Variants in ZNF611 observed in about 807,000 individuals in gnomAD.
ZNF611 encodes the protein zinc finger protein 611.
ZNF611 carries 6 observed loss-of-function variants against 8.9 expected under a neutral mutation model. The ratio of observed to expected loss-of-function variants is 0.68; its 90% CI spans 0.37 to 1.34. The LOEUF (loss-of-function observed/expected upper bound fraction) is 1.34. Among genes scored for constraint, ZNF611 ranks in the 40% most tolerant of loss-of-function variants. The pLI is 0.02. For missense variants in ZNF611, 874 were observed against 841.3 expected, an observed-to-expected ratio of 1.04 and a Z score of -0.48; for synonymous variants, 262 against 279.7, an observed-to-expected ratio of 0.94 and a Z score of 0.63.
At chr19:52,708,605 AG>A (rs1375218190) in intron 5 of ZNF611, 1 of 152,232 alleles carries the variant, frequency 6.6e-6, no homozygotes, top group Non-Finnish European at 1.5e-5. Context: ...TGGCAGGCCA[AG>A]GCATGTGGAT....
intron 1 of ZNF611, 31 bp downstream of exon 1, chr19:52,734,970 C>T (rs2062448365): frequency 6.5e-6 from 1 of 152,704 alleles, no homozygotes; most frequent in African/African-American, 2.4e-5. Flanking sequence ...CTAGTTAGCG[C>T]AGACTTAATA....
chr19:52,703,985 A>T lies in ZNF611; in HGVS notation c.*952T>A. On this transcript the variant is annotated 3_prime_UTR_variant, in exon 6 of 6. Coordinates refer to ENST00000652185, the MANE Select transcript of ZNF611 (RefSeq NM_001161499.2). ...CTTTAAAAAGTACTGGCTCAAAAAA[A>T]TAATAGAAAATAAGAAACAAAAAAC... The T allele has an allele frequency of 5.4e-6, 1 of 185,520 alleles. No homozygotes were observed. Among genetic ancestry groups the T allele is most frequent in the South Asian group, 9.9e-5 (1 of 10,066 alleles). 11.5% of individuals were successfully genotyped at this position (185,520 alleles called of 1,614,324 possible).
chr19:52,713,662 T>G (rs557056209), intron 5 of ZNF611, among the ~76,000 whole-genome samples: 14 of 152,132 alleles, frequency 9.2e-5, no homozygotes, highest in African/African-American at 3.4e-4. Flanking sequence ...GAGGCCGAGG[T>G]GGGTGGATCA....
intron 3 of ZNF611, among the ~76,000 whole-genome samples, chr19:52,727,692 T>TA (rs1007372887): frequency 2.6e-5 from 4 of 152,124 alleles, no homozygotes; most frequent in African/African-American, 4.8e-5. Flanking sequence ...CCTTGGCATA[T>TA]CAATGTATTG....
intron 5 of ZNF611, 76 bp from the exon 6 acceptor site, chr19:52,706,940 C>T (rs73934856): frequency 1.1e-5 from 16 of 1,521,798 alleles, no homozygotes; most frequent in Admixed American, 2.3e-5. Context: ...AAATATGACA[C>T]AAAAAACGAT....
Position 52,718,392 on chromosome 19 carries a change from G to C in ZNF611, c.-19-2479C>G, listed in dbSNP as rs1359546649. 6.6e-5 allele frequency among the ~76,000 whole-genome samples: 10 copies of C among 151,484 alleles called. No individual in the cohort carries two copies. In the East Asian group the frequency reaches 2.0e-3, roughly 30 times the overall value. ...TGGTGGGGCGTGCCTGTGGTCCCAG[G>C]GAATCCAGAGGCTGAGGTGGGAAAA... On this transcript the variant is annotated intron_variant, in intron 3 of 5. Transcript: ENST00000652185.
chr19:52,720,345 G>A (rs9676494), intron 3 of ZNF611, among the ~76,000 whole-genome samples: 87,113 of 142,656 alleles, frequency 0.61, 27,451 homozygotes, highest in African/African-American at 0.65. Flanking sequence ...AGGCAGAGGC[G>A]CCCCCCACCT....
At chr19:52,724,919 CTTATT>C (rs2062382102) in intron 3 of ZNF611, among the ~76,000 whole-genome samples, 1 of 152,148 alleles carries the variant, frequency 6.6e-6, no homozygotes, top group Non-Finnish European at 1.5e-5. Flanking sequence ...CTCCTGCTTT[CTTATT>C]TTTTCTTTCA....
chr19:52,715,368 T>C (rs141076177), intron 4 of ZNF611, among the ~76,000 whole-genome samples: 181 of 152,266 alleles, frequency 1.2e-3, no homozygotes, highest in East Asian at 6.4e-3. Flanking sequence ...GGCTGGAGAA[T>C]TGCTTGAAAC....
chr19:52,705,321 C>T lies in ZNF611; in HGVS notation c.1734G>A (p.Arg578=), dbSNP rs1006419248. 6 of 1,613,654 alleles carry T rather than the reference C, an allele frequency of 3.7e-6. No individual in the cohort carries two copies. The African/African-American group carries it at 4.0e-5, about 11-fold the overall frequency. The part of the protein sequence containing the change: ...CNECSKTFSH[R]SYLVCHHRVH... ...CTCTATGATGGCATACAAGGTATGACCTGTGACTGAAGGTCTTGCTGCACT... is the reference window on the plus strand; with the variant it reads ...CTCTATGATGGCATACAAGGTATGATCTGTGACTGAAGGTCTTGCTGCACT... The change falls in exon 6 of 6, where the codon AGG becomes AGA. Residue 578 remains arginine, a synonymous_variant. Transcript: ENST00000652185.
In ZNF611 at chr19:52,706,187, T is replaced by C. The variant is rs748653409; in HGVS notation, c.868A>G (p.Lys290Glu). 4 of 1,614,074 alleles carry C rather than the reference T, an allele frequency of 2.5e-6. No individual in the cohort carries two copies. Among genetic ancestry groups the C allele is most frequent in the African/African-American group, 1.3e-5 (1 of 74,942 alleles). ...CHTVEKPYKC[K>E]ECGKTFSQES... The stretch of plus-strand genomic sequence containing the variant: ...TGACTGAAGGTCTTGCCACACTCTT[T>C]ACACTTGTAAGGTTTCTCAACAGTG... The change falls in exon 6 of 6, where the codon AAA (lysine) becomes GAA (glutamate). Residue 290 changes from lysine (K) to glutamate (E), a missense_variant. Coordinates refer to ENST00000652185, the MANE Select transcript of ZNF611 (RefSeq NM_001161499.2).
chr19:52,730,719 G>T (rs1407845036), intron 1 of ZNF611, among the ~76,000 whole-genome samples: 1 of 150,838 alleles, frequency 6.6e-6, no homozygotes, highest in East Asian at 2.0e-4. Flanking sequence ...TGAGTAGCTG[G>T]GATTACAGGC....
chr19:52,718,345 A>C (rs59426330), intron 3 of ZNF611, among the ~76,000 whole-genome samples: 8,891 of 151,746 alleles, frequency 0.059, 837 homozygotes, highest in African/African-American at 0.2. Flanking sequence ...ATAAAAATAT[A>C]TATCTAAACA....
chr19:52,719,890 G>A (rs1463607730), intron 3 of ZNF611, among the ~76,000 whole-genome samples: 1 of 152,242 alleles, frequency 6.6e-6, no homozygotes, highest in African/African-American at 2.4e-5. Context: ...AAGGTCTCTG[G>A]TTTTCCTAGG....
At chr19:52,709,940 G>A (rs1033228291) in intron 5 of ZNF611, among the ~76,000 whole-genome samples, 2 of 152,130 alleles carry the variant, frequency 1.3e-5, no homozygotes, top group African/African-American at 2.4e-5. Context: ...ATCAGGACAC[G>A]GCAGGAAGAC....
chr19:52,722,908 T>C (rs2062368943), intron 3 of ZNF611, among the ~76,000 whole-genome samples: 1 of 137,916 alleles, frequency 7.3e-6, no homozygotes, highest in African/African-American at 3.3e-5. Context: ...TGTTTTCGTT[T>C]TTTTTTTTTT....
At chr19:52,725,247 C>G (rs928809255) in intron 3 of ZNF611, among the ~76,000 whole-genome samples, 2 of 152,162 alleles carry the variant, frequency 1.3e-5, no homozygotes, top group African/African-American at 4.8e-5. Context: ...TGGGGAGCAG[C>G]AGGGCCCGGC....
intron 3 of ZNF611, among the ~76,000 whole-genome samples, chr19:52,722,419 A>G (rs1430487471): frequency 6.6e-6 from 1 of 152,098 alleles, no homozygotes; most frequent in Non-Finnish European, 1.5e-5. Context: ...TAAAAGTATT[A>G]TGTAATAACA....
At chr19:52,712,911 G>A (rs2062290486) in intron 5 of ZNF611, among the ~76,000 whole-genome samples, 1 of 152,136 alleles carries the variant, frequency 6.6e-6, no homozygotes, top group African/African-American at 2.4e-5. Context: ...AACTCGGAAG[G>A]GGCCAGGGGC....
Sources: allele counts gnomAD v4.1 joint callset (sites outside exome capture counted in the v4.1 genomes callset), GRCh38; gene constraint gnomAD v4.1.1; transcripts MANE v1.5; gene names NCBI Gene and HGNC (gene_info 2026-07-23, HGNC 2026-07-21).